The following SEMA3D variants were observed in gnomAD, a reference collection of about 807,000 sequenced individuals.
SEMA3D encodes semaphorin 3D.
A neutral mutation model predicts 100.1 loss-of-function variants in SEMA3D; 84 were observed. The ratio of observed to expected loss-of-function variants is 0.84; its 90% CI spans 0.70 to 1.01. SEMA3D has a LOEUF of 1.01. Among genes scored for constraint, SEMA3D ranks in the 50% least tolerant of loss-of-function variants. SEMA3D has a pLI of 0.00. For synonymous variants in SEMA3D, 312 were observed against 320.7 expected (o/e 0.97, Z 0.29); for missense variants, 875 against 934.1 (o/e 0.94, Z 0.82).
chr7:85,071,529 C>A (rs1791773851), intron 6 of SEMA3D, among the ~76,000 whole-genome samples: 1 of 152,178 alleles, frequency 6.6e-6, no homozygotes, highest in Non-Finnish European at 1.5e-5. Context: ...TACAGTCATG[C>A]ATCACTTAAA....
chr7:85,220,372 C>T, the SEMA3D span, among the ~76,000 whole-genome samples: 4 of 147,548 alleles, frequency 2.7e-5, no homozygotes, highest in South Asian at 6.4e-4. Context: ...TTCTATTTAC[C>T]GATTTATGTT....
At chr7:85,132,145 ATATT>A (rs1380490520) in intron 2 of SEMA3D, among the ~76,000 whole-genome samples, 1 of 151,942 alleles carries the variant, frequency 6.6e-6, no homozygotes, top group Non-Finnish European at 1.5e-5. Flanking sequence ...TTTACCAAGT[ATATT>A]TAGACATCCA....
intron 3 of SEMA3D, among the ~76,000 whole-genome samples, chr7:85,117,552 G>A (rs900422949): frequency 1.3e-5 from 2 of 152,096 alleles, no homozygotes; most frequent in Non-Finnish European, 2.9e-5. Flanking sequence ...ACTAAGGCAG[G>A]CAGATTGCCT....
chr7:85,089,332 T>G (rs887060933), intron 4 of SEMA3D, among the ~76,000 whole-genome samples: 1 of 152,174 alleles, frequency 6.6e-6, no homozygotes, highest in Admixed American at 6.5e-5. Flanking sequence ...TCCCTTCTTA[T>G]AAATACCTGT....
Position 85,053,308 on chromosome 7 carries a change from T to C in SEMA3D, c.861+2409A>G, listed in dbSNP as rs374451694. Among the ~76,000 whole-genome samples, 167 of 152,156 alleles carry C rather than the reference T, an allele frequency of 1.1e-3. 1 individual carries two copies. Among genetic ancestry groups the C allele is most frequent in the African/African-American group, 3.9e-3 (161 of 41,576 alleles). ...TTCTTAGATCTTTACTTGTATCTAC[T>C]GAACTCAATTTTGTTTCATAGCATA... On this transcript the variant is annotated intron_variant, in intron 9 of 18. Coordinates refer to ENST00000284136, the MANE Select transcript of SEMA3D (RefSeq NM_001384900.1).
At chr7:85,187,487 T>A (rs1446423130), upstream of SEMA3D, among the ~76,000 whole-genome samples, 1 of 152,154 alleles carries the variant, frequency 6.6e-6, no homozygotes, top group African/African-American at 2.4e-5. Flanking sequence ...GGCATAGGGA[T>A]GAGGAACAGG....
At chr7:85,140,456 C>T in intron 2 of SEMA3D, 10 of 983,120 alleles carry the variant, frequency 1.0e-5, no homozygotes, top group Non-Finnish European at 1.2e-5. Context: ...TTTAAGGTGA[C>T]TTACTGTTCT....
intron 2 of SEMA3D, chr7:85,140,573 TTATCTA>T (rs1191435038): frequency 3.7e-5 from 36 of 965,168 alleles, no homozygotes; most frequent in East Asian, 2.3e-4. Flanking sequence ...TAGCAGAGTT[TTATCTA>T]TATCTATATC....
intron 3 of SEMA3D, among the ~76,000 whole-genome samples, chr7:85,105,019 A>G (rs1014819141): frequency 5.9e-5 from 9 of 152,018 alleles, no homozygotes; most frequent in African/African-American, 2.2e-4. Context: ...AGCACAAATT[A>G]TTGCCCTGCC....
At chr7:85,025,702 C>G (rs939375775) in intron 12 of SEMA3D, among the ~76,000 whole-genome samples, 3 of 151,926 alleles carry the variant, frequency 2.0e-5, no homozygotes, top group Non-Finnish European at 4.4e-5. Flanking sequence ...TTTTCAGAAG[C>G]CTGAGTTTTA....
chr7:85,037,005 C>A lies in SEMA3D; in HGVS notation c.1075G>T (p.Val359Leu), dbSNP rs770491439. 1.4e-5 allele frequency: 23 copies of A among 1,612,658 alleles called. No individual in the cohort carries two copies. The highest frequency in any genetic ancestry group is 1.6e-4 in the Middle Eastern group (1 of 6,072). ...SSIFKGSAVC[V>L]YSMADIRAVF... is the part of the protein sequence containing the mutation. ...GCTCTGATGTCAGCCATGCTATACA[C>A]ACAAACAGCAGAGCCTTTGAAGATG... The change falls in exon 12 of 19, where the codon GTG (valine) becomes TTG (leucine). Residue 359 changes from valine to leucine, a missense_variant. Val to Leu is a conservative substitution (Grantham distance 32). Coordinates refer to ENST00000284136, the MANE Select transcript of SEMA3D (RefSeq NM_001384900.1).
chr7:85,031,296 A>T (rs1267623982), intron 12 of SEMA3D, among the ~76,000 whole-genome samples: 1 of 152,028 alleles, frequency 6.6e-6, no homozygotes, highest in Non-Finnish European at 1.5e-5. Flanking sequence ...CAGAAAATGT[A>T]AAAACAATTT....
chr7:85,119,604 A>G (rs887377451), intron 3 of SEMA3D, among the ~76,000 whole-genome samples: 1 of 152,258 alleles, frequency 6.6e-6, no homozygotes, highest in East Asian at 1.9e-4. Context: ...CCTGGGGACT[A>G]TCAGAGCATG....
intron 16 of SEMA3D, among the ~76,000 whole-genome samples, chr7:85,014,821 G>C (rs1790052310): frequency 6.6e-6 from 1 of 151,614 alleles, no homozygotes; most frequent in Non-Finnish European, 1.5e-5. Context: ...AGAATATATA[G>C]AATTTATTAA....
chr7:85,167,576 A>G (rs1790943243), intron 1 of SEMA3D: 1 of 165,098 alleles, frequency 6.1e-6, no homozygotes, highest in South Asian at 2.0e-4. Context: ...TTCAAGGTCT[A>G]CCTGTATAGA....
At chr7:85,061,995 A>G (rs994510516) in intron 8 of SEMA3D, among the ~76,000 whole-genome samples, 3 of 152,166 alleles carry the variant, frequency 2.0e-5, no homozygotes, top group African/African-American at 7.2e-5. Context: ...CCTACATGGC[A>G]TGTCCATATG....
chr7:85,102,141 C>T (rs1489022038), intron 3 of SEMA3D, among the ~76,000 whole-genome samples: 1 of 151,856 alleles, frequency 6.6e-6, no homozygotes, highest in African/African-American at 2.4e-5. Context: ...AAATGTTAAA[C>T]CTTTCAAATA....
chr7:85,132,485 T>A (rs1200426810), intron 2 of SEMA3D, among the ~76,000 whole-genome samples: 2 of 151,874 alleles, frequency 1.3e-5, no homozygotes, highest in African/African-American at 4.8e-5. Context: ...AGAGTTGAAG[T>A]TGTCTCTGCC....
chr7:85,060,520 C>T (rs1332586403), intron 8 of SEMA3D, among the ~76,000 whole-genome samples: 1 of 152,088 alleles, frequency 6.6e-6, no homozygotes, highest in Admixed American at 6.6e-5. Flanking sequence ...CACATTTTCT[C>T]CATTTGGCAC....
Sources: gnomAD v4.1 joint callset for allele counts (sites outside exome capture counted in the v4.1 genomes callset) on GRCh38, gnomAD v4.1.1 for gene constraint, MANE v1.5 for transcripts, NCBI Gene and HGNC (gene_info 2026-07-23, HGNC 2026-07-21) for gene names.